Variants in RNF180 observed in about 807,000 individuals in gnomAD.
RNF180 encodes E3 ubiquitin-protein ligase RNF180.
In RNF180, 38 loss-of-function variants were observed where a neutral mutation model predicts 59.2. The observed-to-expected ratio is 0.64, with a 90% CI of 0.50 to 0.84. RNF180 has a LOEUF of 0.84. Ranked by LOEUF, RNF180 falls within the 40% of genes least tolerant of loss-of-function variation. The pLI is 0.00. For synonymous variants in RNF180, 262 were observed against 240.3 expected (o/e 1.09, Z -0.84); for missense variants, 705 against 700.9 (o/e 1.01, Z -0.07).
intron 5 of RNF180, among the ~76,000 whole-genome samples, chr5:64,312,677 C>T (rs765550567): frequency 6.6e-6 from 1 of 152,064 alleles, no homozygotes; most frequent in Non-Finnish European, 1.5e-5. Flanking sequence ...ATTATCTCTA[C>T]TTTTCTGTGC....
chr5:64,249,939 C>G (rs1743455612), intron 5 of RNF180, among the ~76,000 whole-genome samples: 2 of 152,006 alleles, frequency 1.3e-5, no homozygotes, highest in African/African-American at 2.4e-5. Flanking sequence ...AAACATAAAA[C>G]TTAAACTACT....
intron 7 of RNF180, 24 bp from the exon 8 acceptor site, chr5:64,369,589 CTT>C: frequency 7.1e-7 from 1 of 1,414,968 alleles, no homozygotes; most frequent in Non-Finnish European, 9.3e-7. Context: ...ATTTAATGGG[CTT>C]TAATATGTTC....
intron 5 of RNF180, among the ~76,000 whole-genome samples, chr5:64,235,188 TGGGA>T (rs1342185184): frequency 6.6e-6 from 1 of 152,052 alleles, no homozygotes; most frequent in Non-Finnish European, 1.5e-5. Flanking sequence ...AAGTCTGAGG[TGGGA>T]GGGTCACTTG....
At chr5:64,366,727 A>C (rs1414679646) in intron 7 of RNF180, among the ~76,000 whole-genome samples, 3 of 151,684 alleles carry the variant, frequency 2.0e-5, no homozygotes, top group Non-Finnish European at 4.4e-5. Context: ...AGCCTGTGTG[A>C]CATATGGGAC....
At chr5:64,280,654 A>G (rs996775956) in intron 5 of RNF180, among the ~76,000 whole-genome samples, 2 of 151,666 alleles carry the variant, frequency 1.3e-5, no homozygotes, top group Non-Finnish European at 2.9e-5. Context: ...GTACTGTTAC[A>G]TTGGTCTGCG....
chr5:64,340,160 A>G (rs576898570), intron 7 of RNF180, among the ~76,000 whole-genome samples: 1 of 152,208 alleles, frequency 6.6e-6, no homozygotes, highest in Non-Finnish European at 1.5e-5. Flanking sequence ...GTATACACAC[A>G]TACACACACA....
intron 7 of RNF180, 108 bp downstream of exon 7, chr5:64,330,514 A>G (rs1744854169): frequency 9.5e-7 from 1 of 1,048,236 alleles, no homozygotes; most frequent in Admixed American, 2.9e-5. Flanking sequence ...ATATTTCTGT[A>G]TTAATCAATT....
At chr5:64,283,266 G>T (rs1049267337) in intron 5 of RNF180, among the ~76,000 whole-genome samples, 16 of 151,974 alleles carry the variant, frequency 1.1e-4, no homozygotes, top group Non-Finnish European at 1.8e-4. Context: ...TATCTTTTTT[G>T]ATTGTTGTTG....
chr5:64,176,738 T>C (rs1750259988), intron 1 of RNF180, among the ~76,000 whole-genome samples: 1 of 152,236 alleles, frequency 6.6e-6, no homozygotes, highest in African/African-American at 2.4e-5. Flanking sequence ...GTTTGATATC[T>C]GGAAAACCTT....
intron 5 of RNF180, among the ~76,000 whole-genome samples, chr5:64,320,857 T>G (rs1266043185): frequency 6.6e-6 from 1 of 152,008 alleles, no homozygotes; most frequent in Non-Finnish European, 1.5e-5. Flanking sequence ...GCTAATACGG[T>G]GAAACCCTGT....
intron 7 of RNF180, among the ~76,000 whole-genome samples, chr5:64,360,535 A>T (rs1029355132): frequency 7.2e-5 from 11 of 151,788 alleles, no homozygotes; most frequent in Non-Finnish European, 1.5e-4. Flanking sequence ...CCTATTCAAC[A>T]TAGTGTTGGA....
At chr5:64,196,741 GTTAA>G (rs1751475450) in intron 1 of RNF180, among the ~76,000 whole-genome samples, 1 of 151,702 alleles carries the variant, frequency 6.6e-6, no homozygotes, top group Non-Finnish European at 1.5e-5. Context: ...TCCTTGTCTA[GTTAA>G]TATATCAAAG....
intron 1 of RNF180, among the ~76,000 whole-genome samples, chr5:64,166,586 C>T (rs1749652950): frequency 1.3e-5 from 2 of 152,204 alleles, no homozygotes; most frequent in Non-Finnish European, 2.9e-5. Flanking sequence ...CTGTTATGAA[C>T]ACTAACACAT....
At chr5:64,243,331 C>T (rs1022223399) in intron 5 of RNF180, among the ~76,000 whole-genome samples, 2 of 152,212 alleles carry the variant, frequency 1.3e-5, no homozygotes, top group East Asian at 1.9e-4. Context: ...CTAAGATTCA[C>T]TGGCTCAAAA....
chr5:64,210,274 C>T (rs1176730611), intron 2 of RNF180, among the ~76,000 whole-genome samples: 1 of 152,110 alleles, frequency 6.6e-6, no homozygotes, highest in Non-Finnish European at 1.5e-5. Context: ...TCTAAGGTGG[C>T]TCTTCACAGA....
At chr5:64,347,412 T>C in intron 7 of RNF180, among the ~76,000 whole-genome samples, 1 of 152,184 alleles carries the variant, frequency 6.6e-6, no homozygotes, top group East Asian at 1.9e-4. Flanking sequence ...TACAACTATC[T>C]GGAGAAGAGG....
chr5:64,172,061 C>G (rs367864508), intron 1 of RNF180, among the ~76,000 whole-genome samples: 10 of 152,294 alleles, frequency 6.6e-5, no homozygotes, highest in East Asian at 5.8e-4. Context: ...CTTTGGGCAT[C>G]AGTATCCAGC....
intron 1 of RNF180, among the ~76,000 whole-genome samples, chr5:64,195,153 T>G (rs978737961): frequency 4.6e-5 from 7 of 152,188 alleles, no homozygotes; most frequent in South Asian, 2.1e-4. Flanking sequence ...TAAGGAAAAC[T>G]GTATAGGAAA....
chr5:64,353,736 T>TTGA lies in RNF180; in HGVS notation c.1580-15877_1580-15875dup, dbSNP rs1210064621. On this transcript the variant is annotated intron_variant, in intron 7 of 7. Coordinates refer to ENST00000389100, the MANE Select transcript of RNF180 (RefSeq NM_001113561.2). ...ACATCGTAGTACCACAAAGTAAGTC[T>TTGA]TGATACATTTTAAAAGATTGAAGCA... 3.3e-5 allele frequency among the ~76,000 whole-genome samples: 5 copies of TTGA among 151,852 alleles called. No individual in the cohort carries two copies. In the East Asian group the frequency reaches 9.7e-4, roughly 29 times the overall value.
Sources: gnomAD v4.1 joint callset for allele counts (sites outside exome capture counted in the v4.1 genomes callset) on GRCh38, gnomAD v4.1.1 for gene constraint, MANE v1.5 for transcripts, NCBI Gene and HGNC (gene_info 2026-07-23, HGNC 2026-07-21) for gene names.